Variants in DIPK1A observed in about 807,000 individuals in gnomAD.
DIPK1A encodes family with sequence similarity 69 member A.
DIPK1A carries 27 observed loss-of-function variants against 40.8 expected under a neutral mutation model. The ratio of observed to expected loss-of-function variants is 0.66; its 90% CI spans 0.49 to 0.91. DIPK1A has a LOEUF of 0.91. Ranked by LOEUF, DIPK1A falls within the 40% of genes least tolerant of loss-of-function variation. The pLI, the probability that DIPK1A is intolerant of heterozygous loss-of-function variation, is 0.00. For missense variants in DIPK1A, 412 were observed against 505.7 expected, an observed-to-expected ratio of 0.81 and a Z score of 1.78; for synonymous variants, 166 against 171.3, an observed-to-expected ratio of 0.97 and a Z score of 0.24.
In DIPK1A at chr1:92,843,020, A is replaced by G; in HGVS notation, c.*363T>C. ...AATTTTCTTGTTGAACAGCAGCTTCAATGCAAACACAATGCTTCCAGCATT... is the reference window on the plus strand; with the variant it reads ...AATTTTCTTGTTGAACAGCAGCTTCGATGCAAACACAATGCTTCCAGCATT... On this transcript the variant is annotated 3_prime_UTR_variant, in exon 5 of 5. Coordinates refer to ENST00000370310, the MANE Select transcript of DIPK1A (RefSeq NM_001006605.5). 1.0e-6 allele frequency: 1 copy of G among 998,934 alleles called. No individual in the cohort carries two copies. The highest frequency in any genetic ancestry group is 1.7e-5 in the African/African-American group (1 of 57,820). The allele number at this position is 998,934 out of a possible 1,614,324, so 61.9% of individuals were successfully genotyped here.
At chr1:92,922,447 A>C (rs187814521) in intron 1 of DIPK1A, among the ~76,000 whole-genome samples, 26 of 152,054 alleles carry the variant, frequency 1.7e-4, no homozygotes, top group African/African-American at 6.3e-4. Context: ...GCCCAACTAC[A>C]CAATTTCGTC....
At chr1:92,873,466 T>A (rs1647973722) in intron 2 of DIPK1A, among the ~76,000 whole-genome samples, 1 of 151,810 alleles carries the variant, frequency 6.6e-6, no homozygotes, top group Non-Finnish European at 1.5e-5. Flanking sequence ...AATAGAAAAA[T>A]TAGCCAGGTG....
chr1:92,864,735 G>C (rs995549133), intron 2 of DIPK1A, among the ~76,000 whole-genome samples: 40 of 151,532 alleles, frequency 2.6e-4, no homozygotes, highest in Non-Finnish European at 7.4e-5. Context: ...CAGAGAAAAT[G>C]TAAAAAAAAA....
intron 1 of DIPK1A, chr1:92,932,059 G>A (rs949258864): frequency 1.5e-5 from 8 of 518,198 alleles, no homozygotes; most frequent in Non-Finnish European, 2.8e-5. Flanking sequence ...TAAAACTTTC[G>A]GAATTCCAGA....
At chr1:92,859,521 T>G (rs1337139508) in intron 2 of DIPK1A, among the ~76,000 whole-genome samples, 1 of 152,174 alleles carries the variant, frequency 6.6e-6, no homozygotes, top group Non-Finnish European at 1.5e-5. Flanking sequence ...GTGTGTAAGT[T>G]ATAGTCCAGA....
downstream of DIPK1A, chr1:92,837,728 GT>G: frequency 2.0e-6 from 2 of 978,718 alleles, no homozygotes; most frequent in Non-Finnish European, 3.2e-6. Context: ...ATATAGGTGT[GT>G]TTCTTGACAA....
chr1:92,843,735 T>A lies in DIPK1A; in HGVS notation c.935A>T (p.Asp312Val), dbSNP rs765664251. The A allele has an allele frequency of 3.2e-6, 5 of 1,551,760 alleles. No individual in the cohort carries two copies. The highest frequency in any genetic ancestry group is 4.4e-6 in the Non-Finnish European group (5 of 1,147,000). ...YNDKYDLKMV[D>V]MRKIVPETNL... ...TGTCTCTGGCACAATTTTTCTCATA[T>A]CCACCATTTTCAAATCATACTTATC... The change falls in exon 5 of 5, where the codon GAT becomes GTT. Residue 312 changes from aspartate to valine, a missense_variant. By Grantham distance (152) the Asp-to-Val change is radical. Coordinates refer to ENST00000370310, the MANE Select transcript of DIPK1A (RefSeq NM_001006605.5).
At position 92,842,761 on chromosome 1, in the gene DIPK1A, A is replaced by G; in HGVS notation, c.*622T>C. ...AGTTCATCCATTTTTAGTCAATAAAATTGGTGTACTGTCAAGTATAAGATT... is the reference window on the plus strand; with the variant it reads ...AGTTCATCCATTTTTAGTCAATAAAGTTGGTGTACTGTCAAGTATAAGATT... On this transcript the variant is annotated 3_prime_UTR_variant, in exon 5 of 5. Transcript: ENST00000370310. 1 of 985,434 alleles carries G rather than the reference A, an allele frequency of 1.0e-6. No individual in the cohort carries two copies. Among genetic ancestry groups the G allele is most frequent in the Non-Finnish European group, 1.2e-6 (1 of 829,928 alleles). The allele number at this position is 985,434 out of a possible 1,614,324, so 61.0% of individuals were successfully genotyped here.
At chr1:92,916,285 G>A (rs1407566851) in intron 1 of DIPK1A, among the ~76,000 whole-genome samples, 1 of 151,040 alleles carries the variant, frequency 6.6e-6, no homozygotes, top group Non-Finnish European at 1.5e-5. Flanking sequence ...AAAATGATCA[G>A]ATTTGATCCT....
chr1:92,890,620 C>T (rs1375434894), intron 1 of DIPK1A, among the ~76,000 whole-genome samples: 1 of 152,076 alleles, frequency 6.6e-6, no homozygotes, highest in Non-Finnish European at 1.5e-5. Flanking sequence ...ATCATATTTA[C>T]TGATTTGTGT....
intron 1 of DIPK1A, among the ~76,000 whole-genome samples, chr1:92,960,450 C>A (rs1347377558): frequency 6.6e-6 from 1 of 152,148 alleles, no homozygotes; most frequent in Non-Finnish European, 1.5e-5. Context: ...ACACTGCTGA[C>A]CCACGCAAGG....
intron 1 of DIPK1A, among the ~76,000 whole-genome samples, chr1:92,914,811 C>T (rs1292186829): frequency 4.0e-5 from 6 of 149,116 alleles, no homozygotes; most frequent in African/African-American, 9.9e-5. Flanking sequence ...TAGGGCTGGG[C>T]GCGGTGGCTC....
At chr1:92,894,224 C>A (rs1190516635) in intron 1 of DIPK1A, among the ~76,000 whole-genome samples, 2 of 152,100 alleles carry the variant, frequency 1.3e-5, no homozygotes, top group African/African-American at 4.8e-5. Flanking sequence ...CACACCACAC[C>A]TATTCCAAAA....
intron 2 of DIPK1A, among the ~76,000 whole-genome samples, chr1:92,870,338 G>A (rs1006068466): frequency 2.0e-5 from 3 of 152,132 alleles, no homozygotes; most frequent in Admixed American, 2.0e-4. Context: ...CGATTCTCCT[G>A]CCTCAGCCTC....
intron 1 of DIPK1A, among the ~76,000 whole-genome samples, chr1:92,958,616 T>C (rs1333110613): frequency 1.3e-5 from 2 of 152,234 alleles, no homozygotes; most frequent in Non-Finnish European, 2.9e-5. Flanking sequence ...TAAATTAAAA[T>C]AATACATTCA....
intron 2 of DIPK1A, among the ~76,000 whole-genome samples, chr1:92,855,958 TC>T (rs936507955): frequency 1.3e-5 from 2 of 152,010 alleles, no homozygotes; most frequent in Admixed American, 1.3e-4. Context: ...CACACCTGTG[TC>T]CTAGCTACTC....
intron 1 of DIPK1A, among the ~76,000 whole-genome samples, chr1:92,935,120 C>T (rs1650897489): frequency 6.6e-6 from 1 of 152,162 alleles, no homozygotes; most frequent in South Asian, 2.1e-4. Flanking sequence ...GGGTCATTTG[C>T]TCAGAATCAT....
At chr1:92,868,546 G>A (rs922017024) in intron 2 of DIPK1A, among the ~76,000 whole-genome samples, 1 of 152,098 alleles carries the variant, frequency 6.6e-6, no homozygotes, top group Non-Finnish European at 1.5e-5. Context: ...AATCACTCCA[G>A]TTAAGACAGC....
chr1:92,836,303 G>A (rs1352137624), intron 4 of DIPK1A: 2 of 1,614,012 alleles, frequency 1.2e-6, no homozygotes, highest in East Asian at 2.2e-5. Context: ...CCTGCTATTT[G>A]GATGCAGGCC....
Sources: allele counts gnomAD v4.1 joint callset (sites outside exome capture counted in the v4.1 genomes callset), GRCh38; gene constraint gnomAD v4.1.1; transcripts MANE v1.5; gene names NCBI Gene and HGNC (gene_info 2026-07-23, HGNC 2026-07-21).